Variants in WDR7 observed in about 807,000 individuals in gnomAD.
The protein encoded by WDR7 is WD repeat domain 7.
A neutral mutation model predicts 169.4 loss-of-function variants in WDR7; 46 were observed. That is an observed-to-expected ratio of 0.27 (90% confidence interval 0.21 to 0.35). The LOEUF is 0.35. WDR7 is among the 10% of genes least tolerant of loss of function. The pLI, the probability that WDR7 is intolerant of heterozygous loss-of-function variation, is 1.00. For missense variants in WDR7, 1,534 were observed against 1,859.3 expected (o/e 0.83, Z 3.22); for synonymous variants, 612 against 666.8 (o/e 0.92, Z 1.27).
At chr18:56,653,091 G>A (rs1213039125) in intron 1 of WDR7, among the ~76,000 whole-genome samples, 1 of 152,116 alleles carries the variant, frequency 6.6e-6, no homozygotes, top group Admixed American at 6.5e-5. Flanking sequence ...GTGGTGTGAT[G>A]TTTATTAGAT....
intron 21 of WDR7, among the ~76,000 whole-genome samples, chr18:56,897,053 T>C (rs980653353): frequency 2.0e-5 from 3 of 151,888 alleles, no homozygotes; most frequent in Admixed American, 1.3e-4. Flanking sequence ...AGTACACTTA[T>C]GAAAAGATGC....
intron 20 of WDR7, among the ~76,000 whole-genome samples, chr18:56,863,525 A>G (rs529730882): frequency 6.6e-6 from 1 of 151,804 alleles, no homozygotes; most frequent in South Asian, 2.1e-4. Context: ...CTAATTTTAT[A>G]AATTATTATA....
intron 5 of WDR7, among the ~76,000 whole-genome samples, chr18:56,683,547 G>A (rs2025390475): frequency 6.6e-6 from 1 of 152,130 alleles, no homozygotes; most frequent in Non-Finnish European, 1.5e-5. Context: ...ACCGGTATCA[G>A]CAGCACCATC....
At chr18:56,694,866 G>C in intron 10 of WDR7, 84 bp from the exon 11 acceptor site, 1 of 1,539,536 alleles carries the variant, frequency 6.5e-7, no homozygotes, top group Non-Finnish European at 8.7e-7. Flanking sequence ...TTGATTACTG[G>C]ATCAATCAAC....
intron 21 of WDR7, among the ~76,000 whole-genome samples, chr18:56,903,489 G>A (rs1024437911): frequency 2.6e-5 from 4 of 151,906 alleles, no homozygotes; most frequent in Admixed American, 6.6e-5. Context: ...ACGTGATCTC[G>A]ACTCACTGCA....
intron 20 of WDR7, among the ~76,000 whole-genome samples, chr18:56,860,829 T>C (rs2045793176): frequency 6.6e-6 from 1 of 152,120 alleles, no homozygotes; most frequent in South Asian, 2.1e-4. Context: ...TATAATTCTT[T>C]TTCTGCCTCT....
At chr18:56,792,791 C>G (rs2044514550) in intron 19 of WDR7, among the ~76,000 whole-genome samples, 1 of 148,708 alleles carries the variant, frequency 6.7e-6, no homozygotes, top group African/African-American at 2.5e-5. Context: ...CACACACACA[C>G]AGACACACAT....
rs1431436356 is a variant in WDR7 at position 56,785,727 on chromosome 18, T to C, written c.3190+4071T>C. Among the ~76,000 whole-genome samples the C allele has an allele frequency of 2.0e-5, 3 of 152,188 alleles. No homozygotes were observed. The East Asian group carries it at 5.8e-4, about 29-fold the overall frequency. ...TTACTGACTGGGATCTTCTATATTT[T>C]ATTTAGGTACATTATGCAATAAAAA... On this transcript the variant is annotated intron_variant, in intron 19 of 27. Transcript: ENST00000254442.
chr18:56,872,081 A>C (rs1456731106), intron 20 of WDR7, among the ~76,000 whole-genome samples: 1 of 149,816 alleles, frequency 6.7e-6, no homozygotes, highest in African/African-American at 2.6e-5. Flanking sequence ...AAGCCCCATC[A>C]ATATATGGCT....
At chr18:56,819,417 A>C (rs1341475081) in intron 20 of WDR7, among the ~76,000 whole-genome samples, 1 of 152,146 alleles carries the variant, frequency 6.6e-6, no homozygotes, top group East Asian at 1.9e-4. Context: ...GCTAATATCT[A>C]TTGATCGGCT....
At chr18:56,683,133 C>CT (rs1000417305) in intron 5 of WDR7, among the ~76,000 whole-genome samples, 154 of 152,114 alleles carry the variant, frequency 1.0e-3, no homozygotes, top group Non-Finnish European at 5.9e-5. Flanking sequence ...ATAGCTTAAC[C>CT]TTTGGGGGTG....
chr18:56,794,800 T>A (rs2044555547), intron 19 of WDR7, among the ~76,000 whole-genome samples: 1 of 152,200 alleles, frequency 6.6e-6, no homozygotes, highest in African/African-American at 2.4e-5. Flanking sequence ...GGCTAACATG[T>A]TGCATATTTC....
intron 20 of WDR7, among the ~76,000 whole-genome samples, chr18:56,867,097 T>C (rs537120052): frequency 6.6e-6 from 1 of 152,274 alleles, no homozygotes; most frequent in African/African-American, 2.4e-5. Flanking sequence ...CAATAACAGC[T>C]CACTGCAACC....
At position 57,020,821 on chromosome 18, in the gene WDR7, A is replaced by G; in HGVS notation, c.4241A>G (p.Asn1414Ser). 1 of 1,614,162 alleles carries G rather than the reference A, an allele frequency of 6.2e-7. No homozygotes were observed. Among genetic ancestry groups the G allele is most frequent in the African/African-American group, 1.3e-5 (1 of 75,052 alleles). ...GGAAGATATCTTGCCACCTACTCAAACACTGACAGCCACATTTCTTTTTGG... is the reference window on the plus strand; with the variant it reads ...GGAAGATATCTTGCCACCTACTCAAGCACTGACAGCCACATTTCTTTTTGG... Reference protein sequence around the residue: ...PDGRYLATYSNTDSHISFWQM... With the variant: ...PDGRYLATYSSTDSHISFWQM... The change falls in exon 27 of 28, where the codon AAC becomes AGC. Residue 1414 changes from asparagine to serine, a missense_variant. Asn to Ser is a conservative substitution (Grantham distance 46). Transcript: ENST00000254442.
chr18:56,913,186 T>C, intron 21 of WDR7, among the ~76,000 whole-genome samples: 1 of 152,172 alleles, frequency 6.6e-6, no homozygotes, highest in East Asian at 1.9e-4. Flanking sequence ...ATTTTAATTC[T>C]AGTGCTGGTT....
At chr18:56,718,203 G>A in intron 13 of WDR7, 44 bp downstream of exon 13, 2 of 1,384,716 alleles carry the variant, frequency 1.4e-6, no homozygotes, top group Non-Finnish European at 1.9e-6. Context: ...TTAAATGGGT[G>A]TATTTCATTT....
At chr18:56,651,995 A>G (rs2024666199) in intron 1 of WDR7, among the ~76,000 whole-genome samples, 2 of 152,156 alleles carry the variant, frequency 1.3e-5, no homozygotes, top group Non-Finnish European at 2.9e-5. Context: ...GCCCATGCCC[A>G]AGGTACTGAC....
rs560103973 is a variant in WDR7, at chr18:56,883,871, A to G, written c.3526+3706A>G. ...CCTTTTTATGGCTGAGTAGTACTCC[A>G]TGGTGTGTATATATACCACAATTTC... On this transcript the variant is annotated intron_variant, in intron 21 of 27. Coordinates refer to ENST00000254442, the MANE Select transcript of WDR7 (RefSeq NM_015285.3). 9.1e-4 allele frequency among the ~76,000 whole-genome samples: 139 copies of G among 152,334 alleles called. 1 individual carries two copies. Among genetic ancestry groups the G allele is most frequent in the Non-Finnish European group, 1.6e-3 (106 of 68,036 alleles).
At chr18:56,786,945 A>T (rs893290533) in intron 19 of WDR7, among the ~76,000 whole-genome samples, 1 of 151,786 alleles carries the variant, frequency 6.6e-6, no homozygotes, top group East Asian at 2.0e-4. Flanking sequence ...AAAAACCACA[A>T]TTACTTTTGC....
Sources: allele counts gnomAD v4.1 joint callset (sites outside exome capture counted in the v4.1 genomes callset), GRCh38; gene constraint gnomAD v4.1.1; transcripts MANE v1.5; gene names NCBI Gene and HGNC (gene_info 2026-07-23, HGNC 2026-07-21).